Variants in TFAP2D observed in about 807,000 individuals in gnomAD.
TFAP2D encodes transcription factor AP-2-delta.
A neutral mutation model predicts 43.6 loss-of-function variants in TFAP2D; 9 were observed. The observed-to-expected ratio is 0.21, with a 90% CI of 0.12 to 0.36. The LOEUF is 0.36. TFAP2D is among the 10% of genes least tolerant of loss of function. The pLI is 1.00. For synonymous variants in TFAP2D, 256 were observed against 224.9 expected, an observed-to-expected ratio of 1.14 and a Z score of -1.24; for missense variants, 513 against 561.4, an observed-to-expected ratio of 0.91 and a Z score of 0.87.
rs371907777 is a variant in TFAP2D at position 50,719,047 on chromosome 6, G to T, written c.538-43G>T. On this transcript the variant is annotated intron_variant, in intron 2 of 7. Transcript: ENST00000008391. ...ACTTTACCTACGTGGTCATGCATAT[G>T]AGTATCCATTTAAGTAATTTTATTT... 445 of 1,590,570 alleles carry T rather than the reference G, an allele frequency of 2.8e-4. 2 individuals are homozygous for T. The highest frequency in any genetic ancestry group is 3.7e-4 in the Non-Finnish European group (431 of 1,161,924).
intron 7 of TFAP2D, among the ~76,000 whole-genome samples, chr6:50,753,442 C>T (rs1473204298): frequency 6.6e-6 from 1 of 151,900 alleles, no homozygotes; most frequent in Non-Finnish European, 1.5e-5. Flanking sequence ...CAACTTAGTG[C>T]CACAGAACTC....
intron 2 of TFAP2D, 38 bp from the exon 3 acceptor site, chr6:50,719,051 AT>A (rs767954545): frequency 6.3e-7 from 1 of 1,599,772 alleles, no homozygotes; most frequent in South Asian, 1.1e-5. Context: ...GCATATGAGT[AT>A]CCATTTAAGT....
intron 5 of TFAP2D, among the ~76,000 whole-genome samples, chr6:50,740,732 C>T (rs114696696): frequency 0.039 from 5,997 of 152,138 alleles, 393 homozygotes; most frequent in African/African-American, 0.14. Context: ...CCACCACACC[C>T]GGCCTAAAGA....
intron 5 of TFAP2D, among the ~76,000 whole-genome samples, chr6:50,743,037 T>C (rs1769075479): frequency 6.6e-6 from 1 of 151,074 alleles, no homozygotes; most frequent in Non-Finnish European, 1.5e-5. Context: ...CATATTTTCT[T>C]ACCTTAAACT....
intron 7 of TFAP2D, among the ~76,000 whole-genome samples, chr6:50,755,354 G>C (rs1045809966): frequency 9.9e-5 from 15 of 151,072 alleles, no homozygotes; most frequent in Non-Finnish European, 2.1e-4. Flanking sequence ...TTGTTGCTTA[G>C]CCTTGAAATA....
At chr6:50,718,969 C>A in intron 2 of TFAP2D, 121 bp from the exon 3 acceptor site, 2 of 955,046 alleles carry the variant, frequency 2.1e-6, no homozygotes, top group Non-Finnish European at 3.1e-6. Context: ...CAGCTCAATG[C>A]TTGCTTTCAA....
At position 50,739,167 on chromosome 6, in the gene TFAP2D, A is replaced by G. The variant is rs1581767012; in HGVS notation, c.884-5940A>G. On this transcript the variant is annotated intron_variant, in intron 5 of 7. Coordinates refer to ENST00000008391, the MANE Select transcript of TFAP2D (RefSeq NM_172238.4). ...TACATGTGCCATGTTGGTGTGCTGC[A>G]CCCATTAACTCGTCATTTACATTAG... Among the ~76,000 whole-genome samples, 7 of 152,182 alleles carry G rather than the reference A, an allele frequency of 4.6e-5. No individual in the cohort carries two copies. In the Middle Eastern group the frequency reaches 0.02, roughly 444 times the overall value.
At chr6:50,726,854 G>A (rs892892018) in intron 3 of TFAP2D, among the ~76,000 whole-genome samples, 3 of 152,124 alleles carry the variant, frequency 2.0e-5, no homozygotes, top group Non-Finnish European at 4.4e-5. Context: ...GTTGTATTTT[G>A]GCTTAAAACT....
chr6:50,714,046 G>A lies in TFAP2D; in HGVS notation c.-10G>A. ...GGAAATTGCATCGTAAGCTTTCGGA[G>A]AAACCCAACATGTCAACTACCTTTC... On this transcript the variant is annotated 5_prime_UTR_variant, in exon 1 of 8. Coordinates refer to ENST00000008391, the MANE Select transcript of TFAP2D (RefSeq NM_172238.4). 2 of 1,610,724 alleles carry A rather than the reference G, an allele frequency of 1.2e-6. No individual in the cohort carries two copies. Among genetic ancestry groups the A allele is most frequent in the Non-Finnish European group, 1.7e-6 (2 of 1,179,104 alleles).
At chr6:50,744,554 A>G (rs1214289274) in intron 5 of TFAP2D, among the ~76,000 whole-genome samples, 1 of 152,180 alleles carries the variant, frequency 6.6e-6, no homozygotes, top group Non-Finnish European at 1.5e-5. Context: ...AGCCATTCGT[A>G]CCCCATTTCT....
rs572209904 is a variant in TFAP2D, at chr6:50,743,004, C to T, written c.884-2103C>T. Reference sequence around the variant, plus strand: ...ACACACACACACACACATCTTTGTGCCATTTCTTCTGCCAAATATTCACAT... The same window carrying T: ...ACACACACACACACACATCTTTGTGTCATTTCTTCTGCCAAATATTCACAT... On this transcript the variant is annotated intron_variant, in intron 5 of 7. Transcript: ENST00000008391. 1.1e-3 allele frequency among the ~76,000 whole-genome samples: 160 copies of T among 148,042 alleles called. 1 individual carries two copies. Among genetic ancestry groups the T allele is most frequent in the African/African-American group, 4.0e-3 (159 of 39,810 alleles).
At chr6:50,760,756 C>T (rs1032392526) in intron 7 of TFAP2D, among the ~76,000 whole-genome samples, 10 of 151,856 alleles carry the variant, frequency 6.6e-5, no homozygotes, top group Non-Finnish European at 1.3e-4. Context: ...AGTTACATGC[C>T]CCATGGTAAG....
intron 7 of TFAP2D, among the ~76,000 whole-genome samples, chr6:50,771,864 C>G (rs185107609): frequency 2.6e-4 from 40 of 152,252 alleles, no homozygotes; most frequent in African/African-American, 9.1e-4. Context: ...ACTAGAAATA[C>G]CACTTGACCC....
intron 5 of TFAP2D, among the ~76,000 whole-genome samples, chr6:50,741,744 AAGGGAT>A (rs1222125874): frequency 3.3e-5 from 5 of 152,102 alleles, no homozygotes; most frequent in Admixed American, 6.5e-5. Context: ...CATTGAAATA[AAGGGAT>A]AGCTTAAAGT....
chr6:50,763,283 T>C (rs187264614), intron 7 of TFAP2D, among the ~76,000 whole-genome samples: 10 of 152,236 alleles, frequency 6.6e-5, no homozygotes, highest in Non-Finnish European at 1.5e-4. Flanking sequence ...AGAGTGGGAT[T>C]AATGACAGCC....
Position 50,745,202 on chromosome 6 carries a change from G to A in TFAP2D, c.979G>A (p.Glu327Lys), listed in dbSNP as rs1340716912. 5 of 1,613,614 alleles carry A rather than the reference G, an allele frequency of 3.1e-6. No individual in the cohort carries two copies. The highest frequency in any genetic ancestry group is 4.2e-6 in the Non-Finnish European group (5 of 1,179,752). ...VGEHLARQHMEQKEQTARKKM... is the reference protein window; with the variant it reads ...VGEHLARQHMKQKEQTARKKM... Reference sequence around the variant, plus strand: ...AGAACATCTTGCCAGACAACATATGGAACAGAAAGAACAGACAGCAAGAAA... The same window carrying A: ...AGAACATCTTGCCAGACAACATATGAAACAGAAAGAACAGACAGCAAGAAA... The change falls in exon 6 of 8, where the codon GAA (glutamate) becomes AAA (lysine). Residue 327 changes from glutamate to lysine, a missense_variant. Physicochemically the swap from Glu to Lys is moderately conservative, Grantham distance 56. Coordinates refer to ENST00000008391, the MANE Select transcript of TFAP2D (RefSeq NM_172238.4).
In TFAP2D at chr6:50,715,592, C is replaced by G. The variant is rs769284736; in HGVS notation, c.516C>G (p.Ala172=). The G allele has an allele frequency of 3.8e-6, 6 of 1,596,524 alleles. No individual in the cohort carries two copies. Among genetic ancestry groups the G allele is most frequent in the Middle Eastern group, 1.7e-4 (1 of 6,014 alleles). The change falls in exon 2 of 8, where the codon GCC becomes GCG. Residue 172 remains alanine, a synonymous_variant. Transcript: ENST00000008391. The part of the protein sequence containing the change: ...LLPGPSLGLA[A]AGADDLQGSV... ...CAGGGCCCAGCCTGGGGCTGGCCGC[C>G]GCGGGAGCAGACGACTTGCAGGTAA...
Position 50,733,874 on chromosome 6 carries a change from C to T in TFAP2D, c.883+4562C>T, listed in dbSNP as rs73427150. ...AAGCTTGTGTAACCTTCTCAGCCAACACTCAGGGTTCTGAAAGTATAGATT... is the reference window on the plus strand; with the variant it reads ...AAGCTTGTGTAACCTTCTCAGCCAATACTCAGGGTTCTGAAAGTATAGATT... On this transcript the variant is annotated intron_variant, in intron 5 of 7. Coordinates refer to ENST00000008391, the MANE Select transcript of TFAP2D (RefSeq NM_172238.4). Among the ~76,000 whole-genome samples, 676 of 152,154 alleles carry T rather than the reference C, an allele frequency of 4.4e-3. 3 individuals carry two copies. The highest frequency in any genetic ancestry group is 0.016 in the African/African-American group (655 of 41,534).
chr6:50,746,910 A>G (rs1046504563), intron 6 of TFAP2D, among the ~76,000 whole-genome samples: 1 of 152,154 alleles, frequency 6.6e-6, no homozygotes, highest in African/African-American at 2.4e-5. Flanking sequence ...GAAGAAAAGC[A>G]AAAGTTGGTG....
Sources: gnomAD v4.1 joint callset for allele counts (sites outside exome capture counted in the v4.1 genomes callset) on GRCh38, gnomAD v4.1.1 for gene constraint, MANE v1.5 for transcripts, NCBI Gene and HGNC (gene_info 2026-07-23, HGNC 2026-07-21) for gene names.